Variants in NREP observed in about 807,000 individuals in gnomAD.
NREP encodes neuronal regeneration-related protein.
A neutral mutation model predicts 8.6 loss-of-function variants in NREP; 5 were observed. The ratio of observed to expected loss-of-function variants is 0.58; its 90% CI spans 0.30 to 1.22. NREP has a LOEUF of 1.22. Ranked by LOEUF, NREP falls within the 50% of genes most tolerant of loss-of-function variation. The pLI is 0.07. For synonymous variants in NREP, 27 were observed against 28.0 expected, an observed-to-expected ratio of 0.96 and a Z score of 0.11; for missense variants, 86 against 82.5, an observed-to-expected ratio of 1.04 and a Z score of -0.17.
chr5:111,863,580 G>C (rs149173296), intron 2 of NREP, among the ~76,000 whole-genome samples: 2 of 152,194 alleles, frequency 1.3e-5, no homozygotes, highest in East Asian at 3.9e-4. Context: ...TAAAGTTTGA[G>C]GGCAGGATAA....
intron 2 of NREP, among the ~76,000 whole-genome samples, chr5:111,965,877 G>C (rs1218796267): frequency 6.6e-6 from 1 of 152,024 alleles, no homozygotes; most frequent in African/African-American, 2.4e-5. Flanking sequence ...TCCTAAGTAG[G>C]ACCAGTTATT....
chr5:111,888,343 G>A (rs916008737), intron 2 of NREP, among the ~76,000 whole-genome samples: 19 of 128,226 alleles, frequency 1.5e-4, no homozygotes, highest in East Asian at 3.3e-4. Context: ...GCTGGGTGGC[G>A]GGGGGGGTCT....
chr5:111,952,885 A>AT lies in NREP; in HGVS notation c.135+22388dup, dbSNP rs563565438. 1.3e-3 allele frequency among the ~76,000 whole-genome samples: 202 copies of AT among 152,208 alleles called. 2 individuals carry two copies. Among genetic ancestry groups the AT allele is most frequent in the African/African-American group, 4.7e-3 (195 of 41,542 alleles). ...ATATATAAAAAATTAGAGAGTAGGA[A>AT]TGGGAATGTGAAAGGGAGGACTCTT... On this transcript the variant is annotated intron_variant, in intron 2 of 3. Transcript: ENST00000395634.
chr5:111,837,634 A>T (rs1030195338), intron 2 of NREP, among the ~76,000 whole-genome samples: 4 of 152,082 alleles, frequency 2.6e-5, no homozygotes, highest in Non-Finnish European at 5.9e-5. Flanking sequence ...GGAAAGCCTC[A>T]TGTTATAGAG....
intron 2 of NREP, among the ~76,000 whole-genome samples, chr5:111,916,918 G>A (rs960086616): frequency 1.3e-5 from 2 of 152,222 alleles, no homozygotes; most frequent in South Asian, 4.1e-4. Flanking sequence ...GCAAATTTCA[G>A]AGCAGGGATG....
chr5:111,772,912 T>C (rs1473817526), intron 2 of NREP, among the ~76,000 whole-genome samples: 1 of 152,222 alleles, frequency 6.6e-6, no homozygotes, highest in Non-Finnish European at 1.5e-5. Context: ...TGGTTACTGC[T>C]GCTTAGTTTC....
intron 2 of NREP, among the ~76,000 whole-genome samples, chr5:111,856,841 CA>C (rs1753437836): frequency 6.6e-6 from 1 of 151,796 alleles, no homozygotes; most frequent in Non-Finnish European, 1.5e-5. Flanking sequence ...TTCCTTTTGA[CA>C]AAAAGTAAAG....
intron 2 of NREP, among the ~76,000 whole-genome samples, chr5:111,807,968 A>C (rs967522716): frequency 1.3e-5 from 2 of 152,180 alleles, no homozygotes; most frequent in Admixed American, 6.5e-5. Flanking sequence ...CAATTCAGTT[A>C]AATAAGGCAT....
At position 111,869,751 on chromosome 5, in the gene NREP, G is replaced by A. The variant is rs1753747123; in HGVS notation, c.135+105523C>T. The stretch of plus-strand genomic sequence containing the variant: ...GTAAAGAATGACACCCAAAGAGCAT[G>A]CTCAAAAACAACAGAAGCAGGGAGC... On this transcript the variant is annotated intron_variant, in intron 2 of 3. Transcript: ENST00000395634. 2.0e-5 allele frequency among the ~76,000 whole-genome samples: 3 copies of A among 152,162 alleles called. No individual in the cohort carries two copies. The South Asian group carries it at 6.2e-4, about 32-fold the overall frequency.
chr5:111,810,104 C>T (rs999493014), intron 2 of NREP, among the ~76,000 whole-genome samples: 7 of 151,112 alleles, frequency 4.6e-5, no homozygotes, highest in African/African-American at 1.5e-4. Flanking sequence ...ATAGCTAGAC[C>T]GAAAGAGGGG....
intron 2 of NREP, among the ~76,000 whole-genome samples, chr5:111,934,972 CA>C (rs1479042383): frequency 2.7e-5 from 4 of 149,942 alleles, no homozygotes; most frequent in Non-Finnish European, 5.9e-5. Flanking sequence ...AGATCCGAAA[CA>C]TAGTAGGGTG....
At chr5:111,929,741 T>C (rs1755485211) in intron 2 of NREP, among the ~76,000 whole-genome samples, 1 of 152,178 alleles carries the variant, frequency 6.6e-6, no homozygotes, top group Non-Finnish European at 1.5e-5. Context: ...TGGCAAACCA[T>C]GTTTTCCATT....
intron 2 of NREP, among the ~76,000 whole-genome samples, chr5:111,972,784 C>T (rs1263837820): frequency 6.6e-6 from 1 of 152,204 alleles, no homozygotes; most frequent in East Asian, 1.9e-4. Flanking sequence ...TCCCAGACTG[C>T]CTAAGGCATG....
chr5:111,906,884 ATTCT>A (rs1243378859), intron 2 of NREP, among the ~76,000 whole-genome samples: 2 of 151,868 alleles, frequency 1.3e-5, no homozygotes, highest in African/African-American at 2.4e-5. Context: ...GATTTTAATA[ATTCT>A]TTCTATAGTT....
rs1751001747 is a variant in NREP at position 111,763,082 on chromosome 5, C to T, written c.136-27575G>A. ...GAAACCGATTTACAATTGACCCTGT[C>T]CACTTTCAAGTTTCCAGCTGTATTT... On this transcript the variant is annotated intron_variant, in intron 2 of 3. Coordinates refer to the NREP transcript ENST00000395634. Among the ~76,000 whole-genome samples the T allele has an allele frequency of 2.0e-5, 3 of 152,204 alleles. No individual in the cohort carries two copies. In the South Asian group the frequency reaches 6.2e-4, roughly 32 times the overall value.
chr5:111,863,929 T>C (rs768346606), intron 2 of NREP, among the ~76,000 whole-genome samples: 3 of 152,122 alleles, frequency 2.0e-5, no homozygotes, highest in Non-Finnish European at 2.9e-5. Flanking sequence ...TTCCAAGATA[T>C]ATGGAGTCTT....
At chr5:111,824,699 C>G (rs1265965416) in intron 2 of NREP, among the ~76,000 whole-genome samples, 1 of 151,998 alleles carries the variant, frequency 6.6e-6, no homozygotes, top group East Asian at 1.9e-4. Context: ...TGACTGTGGC[C>G]AGAAAGTTCA....
At chr5:111,838,829 T>A (rs1250442834) in intron 2 of NREP, among the ~76,000 whole-genome samples, 1 of 152,026 alleles carries the variant, frequency 6.6e-6, no homozygotes, top group Non-Finnish European at 1.5e-5. Context: ...TAAAAACACA[T>A]ATATAGAAAT....
intron 2 of NREP, among the ~76,000 whole-genome samples, chr5:111,769,880 A>G (rs1180501245): frequency 6.6e-6 from 1 of 152,192 alleles, no homozygotes; most frequent in African/African-American, 2.4e-5. Flanking sequence ...CAACACTGAG[A>G]ATTACAATTT....
Sources: allele counts gnomAD v4.1 joint callset (sites outside exome capture counted in the v4.1 genomes callset), GRCh38; gene constraint gnomAD v4.1.1; transcripts MANE v1.5; gene names NCBI Gene and HGNC (gene_info 2026-07-23, HGNC 2026-07-21).